The following FBXL17 variants were observed in gnomAD, a reference collection of about 807,000 sequenced individuals.
The protein encoded by FBXL17 is F-box and leucine rich repeat protein 17.
A neutral mutation model predicts 66.2 loss-of-function variants in FBXL17; 22 were observed. The observed-to-expected ratio is 0.33, with a 90% confidence interval of 0.24 to 0.47. The LOEUF (loss-of-function observed/expected upper bound fraction) is 0.47, where lower values mean the gene tolerates loss of function less well. FBXL17 is among the 20% of genes least tolerant of loss of function. The probability of loss-of-function intolerance (pLI) is 1.00; values close to 1 mark genes in which losing one functional copy is unlikely to be tolerated. For synonymous variants in FBXL17, 474 were observed against 400.5 expected, an observed-to-expected ratio of 1.18 and a Z score of -2.19; for missense variants, 878 against 948.2, an observed-to-expected ratio of 0.93 and a Z score of 0.97.
At chr5:107,863,529 T>G (rs1269638613) in intron 8 of FBXL17, among the ~76,000 whole-genome samples, 1 of 143,158 alleles carries the variant, frequency 7.0e-6, no homozygotes, top group African/African-American at 2.5e-5. Context: ...CTAAGTTACA[T>G]AAGTATTCCA....
At chr5:108,360,572 T>G (rs1008863006) in intron 3 of FBXL17, among the ~76,000 whole-genome samples, 1 of 152,118 alleles carries the variant, frequency 6.6e-6, no homozygotes, top group African/African-American at 2.4e-5. Flanking sequence ...TATATCTCTT[T>G]GACATTATCC....
intron 7 of FBXL17, among the ~76,000 whole-genome samples, chr5:108,002,929 G>A (rs1022074085): frequency 1.3e-5 from 2 of 152,166 alleles, no homozygotes; most frequent in Admixed American, 6.5e-5. Flanking sequence ...ACTGTAAACA[G>A]AGAAGAGGAT....
At chr5:108,282,504 A>C (rs1757740375) in intron 4 of FBXL17, among the ~76,000 whole-genome samples, 1 of 151,978 alleles carries the variant, frequency 6.6e-6, no homozygotes, top group African/African-American at 2.4e-5. Context: ...CAGACAGAGA[A>C]GAAACACACC....
chr5:108,272,289 C>CA (rs889649761), intron 4 of FBXL17, among the ~76,000 whole-genome samples: 2 of 148,406 alleles, frequency 1.3e-5, no homozygotes, highest in Non-Finnish European at 3.0e-5. Flanking sequence ...ACTCCATCTC[C>CA]AAAAAAAATA....
At chr5:108,289,720 A>G (rs1197046213) in intron 4 of FBXL17, among the ~76,000 whole-genome samples, 1 of 152,084 alleles carries the variant, frequency 6.6e-6, no homozygotes, top group Non-Finnish European at 1.5e-5. Flanking sequence ...TGTTTTGGGG[A>G]AAATTTCTTA....
rs1326407013 is a variant in FBXL17 at position 107,859,404 on chromosome 5, T to G, written c.*2316A>C. 8 of 144,406 alleles carry G rather than the reference T, an allele frequency of 5.5e-5. No homozygotes were observed. The highest frequency in any genetic ancestry group is 4.6e-4 in the South Asian group (2 of 4,394). The allele number at this position is 144,406 out of a possible 1,614,324, so 8.9% of individuals were successfully genotyped here. ...TTTTTCTGGCTGTTTTTTTTTTTTT[T>G]TTTTTTTTTTTTTGAGATTAATGCT... On this transcript the variant is annotated 3_prime_UTR_variant, in exon 9 of 9. Transcript: ENST00000542267.
At chr5:107,901,531 C>G (rs2112532738) in intron 7 of FBXL17, among the ~76,000 whole-genome samples, 1 of 152,238 alleles carries the variant, frequency 6.6e-6, no homozygotes, top group South Asian at 2.1e-4. Flanking sequence ...CTAACGGGCC[C>G]ATGTAGGTAA....
chr5:107,993,577 A>C (rs948406787), intron 7 of FBXL17, among the ~76,000 whole-genome samples: 1 of 152,202 alleles, frequency 6.6e-6, no homozygotes, highest in African/African-American at 2.4e-5. Flanking sequence ...GCTTTTTCAC[A>C]TATCTAAAAG....
chr5:108,332,748 T>C (rs1760182239), intron 4 of FBXL17, among the ~76,000 whole-genome samples: 1 of 151,798 alleles, frequency 6.6e-6, no homozygotes, highest in Non-Finnish European at 1.5e-5. Flanking sequence ...GCTGGGATTA[T>C]GGTTGTGCAC....
intron 3 of FBXL17, among the ~76,000 whole-genome samples, chr5:108,352,347 G>A (rs1350474329): frequency 6.6e-6 from 1 of 152,192 alleles, no homozygotes; most frequent in Non-Finnish European, 1.5e-5. Flanking sequence ...CAATTTGGCT[G>A]ACAGTCTTTA....
intron 6 of FBXL17, among the ~76,000 whole-genome samples, chr5:108,160,843 G>C (rs921552139): frequency 2.0e-5 from 3 of 152,098 alleles, no homozygotes; most frequent in Non-Finnish European, 1.5e-5. Context: ...TCTGTGGGGA[G>C]GTAAGAGTCT....
At chr5:107,878,178 A>T in intron 8 of FBXL17, 1 of 906,122 alleles carries the variant, frequency 1.1e-6, no homozygotes, top group Non-Finnish European at 1.3e-6. Flanking sequence ...AATAATCTTA[A>T]TTTTAAATTT....
intron 6 of FBXL17, among the ~76,000 whole-genome samples, chr5:108,122,830 G>A (rs1291932470): frequency 2.0e-5 from 3 of 152,074 alleles, no homozygotes; most frequent in Non-Finnish European, 4.4e-5. Context: ...CTCATTCCTA[G>A]AGCATTTTGG....
At chr5:108,100,138 A>C (rs535260897) in intron 6 of FBXL17, among the ~76,000 whole-genome samples, 2 of 152,278 alleles carry the variant, frequency 1.3e-5, no homozygotes, top group South Asian at 4.1e-4. Flanking sequence ...AAATGCAATC[A>C]CTGGAGTAAA....
intron 1 of FBXL17, among the ~76,000 whole-genome samples, chr5:108,373,964 T>C (rs183443866): frequency 1.3e-5 from 2 of 151,918 alleles, no homozygotes; most frequent in Admixed American, 1.3e-4. Context: ...AAAAACACAA[T>C]CCAATTATAT....
intron 6 of FBXL17, among the ~76,000 whole-genome samples, chr5:108,174,961 G>A (rs1007959600): frequency 2.0e-5 from 3 of 152,098 alleles, no homozygotes; most frequent in African/African-American, 7.2e-5. Context: ...CAAATGGCAT[G>A]TAATACATAA....
intron 7 of FBXL17, among the ~76,000 whole-genome samples, chr5:108,012,895 A>G (rs1324791789): frequency 2.0e-5 from 3 of 152,022 alleles, no homozygotes; most frequent in Non-Finnish European, 2.9e-5. Context: ...CATGCCTGTA[A>G]TCCCAGCTAC....
intron 8 of FBXL17, 196 bp downstream of exon 8, chr5:107,880,841 G>A (rs758465591): frequency 1.5e-6 from 2 of 1,367,238 alleles, no homozygotes; most frequent in African/African-American, 1.5e-5. Flanking sequence ...ATTAAGTGGG[G>A]AAATACAAAG....
intron 4 of FBXL17, among the ~76,000 whole-genome samples, chr5:108,234,424 C>T (rs530992184): frequency 6.6e-6 from 1 of 152,308 alleles, no homozygotes; most frequent in South Asian, 2.1e-4. Context: ...AATCAAACCA[C>T]TAGCAGGTGG....
Sources: gnomAD v4.1 joint callset for allele counts (sites outside exome capture counted in the v4.1 genomes callset) on GRCh38, gnomAD v4.1.1 for gene constraint, MANE v1.5 for transcripts, NCBI Gene and HGNC (gene_info 2026-07-23, HGNC 2026-07-21) for gene names.